ADCY2: variants seen among roughly 807,000 people sequenced by gnomAD.
The protein encoded by ADCY2 is adenylate cyclase 2, also known as adenylate cyclase type 2.
In ADCY2, 31 loss-of-function variants were observed where a neutral mutation model predicts 125.2. That is an observed-to-expected ratio of 0.25 (90% confidence interval 0.19 to 0.33). The LOEUF is 0.33. Ranked by LOEUF, ADCY2 falls within the 10% of genes least tolerant of loss-of-function variation. The pLI is 1.00. For synonymous variants in ADCY2, 512 were observed against 548.4 expected (o/e 0.93, Z 0.93); for missense variants, 904 against 1,418.2 (o/e 0.64, Z 5.82).
chr5:7,531,089 A>T (rs1199676979), intron 3 of ADCY2, among the ~76,000 whole-genome samples: 1 of 152,196 alleles, frequency 6.6e-6, no homozygotes, highest in African/African-American at 2.4e-5. Flanking sequence ...CCTGAAGGTT[A>T]ATGGAATAGC....
chr5:7,539,704 C>T (rs1053440063), intron 3 of ADCY2, among the ~76,000 whole-genome samples: 1 of 152,202 alleles, frequency 6.6e-6, no homozygotes, highest in Non-Finnish European at 1.5e-5. Flanking sequence ...GAGACATTTT[C>T]AGACTGTGGG....
intron 16 of ADCY2, among the ~76,000 whole-genome samples, chr5:7,759,989 C>T (rs1743142475): frequency 6.6e-6 from 1 of 152,160 alleles, no homozygotes; most frequent in Non-Finnish European, 1.5e-5. Flanking sequence ...GGGTGGGGAA[C>T]TCAAGATGAG....
intron 3 of ADCY2, among the ~76,000 whole-genome samples, chr5:7,606,355 A>T (rs1482289069): frequency 6.6e-6 from 1 of 152,252 alleles, no homozygotes; most frequent in African/African-American, 2.4e-5. Flanking sequence ...ACTGAGTGAC[A>T]GTGTTCCTGT....
intron 8 of ADCY2, 62 bp downstream of exon 8, chr5:7,706,964 T>G: frequency 6.3e-7 from 1 of 1,595,698 alleles, no homozygotes; most frequent in Non-Finnish European, 8.6e-7. Flanking sequence ...TGACAGATTA[T>G]CAGCCTAATG....
intron 13 of ADCY2, among the ~76,000 whole-genome samples, chr5:7,725,378 T>C (rs930837112): frequency 6.6e-6 from 1 of 152,212 alleles, no homozygotes; most frequent in Non-Finnish European, 1.5e-5. Flanking sequence ...ATTATGTTGA[T>C]AAAATTTAGT....
At chr5:7,762,684 G>A (rs570070658) in intron 16 of ADCY2, among the ~76,000 whole-genome samples, 16 of 152,228 alleles carry the variant, frequency 1.1e-4, no homozygotes, top group Admixed American at 3.9e-4. Flanking sequence ...TCCTGGAGCA[G>A]TTTCTGGTTA....
chr5:7,441,914 C>T (rs991747661), intron 2 of ADCY2, among the ~76,000 whole-genome samples: 9 of 152,114 alleles, frequency 5.9e-5, no homozygotes, highest in Non-Finnish European at 1.2e-4. Context: ...TCAGTGTGTC[C>T]GGTCCACCAG....
At chr5:7,572,230 A>C (rs1013537435) in intron 3 of ADCY2, among the ~76,000 whole-genome samples, 2 of 151,984 alleles carry the variant, frequency 1.3e-5, no homozygotes, top group Admixed American at 6.6e-5. Context: ...GTTGAACATC[A>C]TCTTCCACAA....
At chr5:7,563,933 C>T (rs1048533049) in intron 3 of ADCY2, among the ~76,000 whole-genome samples, 1 of 152,190 alleles carries the variant, frequency 6.6e-6, no homozygotes, top group African/African-American at 2.4e-5. Context: ...AAAGACTCCT[C>T]TTGCTTTTAT....
intron 2 of ADCY2, among the ~76,000 whole-genome samples, chr5:7,474,869 A>G (rs1479823110): frequency 3.3e-5 from 5 of 152,258 alleles, no homozygotes; most frequent in African/African-American, 1.2e-4. Context: ...AACAAGGCCT[A>G]GGCCAGTTTA....
At position 7,804,835 on chromosome 5, in the gene ADCY2, A is replaced by G. The variant is rs996872011; in HGVS notation, c.2883+143A>G. On this transcript the variant is annotated intron_variant, in intron 22 of 24. Transcript: ENST00000338316. ...CTCAGGGTCAAGGTCCTATGAGAGA[A>G]GATGAAAATTCCAGACTTCTTAGAG... The G allele has an allele frequency of 2.1e-5, 13 of 633,746 alleles. No individual in the cohort carries two copies. In the African/African-American group the frequency reaches 2.2e-4, roughly 11 times the overall value. 39.3% of individuals were successfully genotyped at this position (633,746 alleles called of 1,614,324 possible). A position where few individuals can be genotyped will look rare whatever the true frequency, so the allele number is the denominator to read the frequency against.
At chr5:7,602,765 T>A (rs1200438283) in intron 3 of ADCY2, among the ~76,000 whole-genome samples, 1 of 152,190 alleles carries the variant, frequency 6.6e-6, no homozygotes, top group East Asian at 1.9e-4. Flanking sequence ...CTGAGCAAAC[T>A]CCATGTTAAC....
At chr5:7,579,148 G>A (rs1736342766) in intron 3 of ADCY2, among the ~76,000 whole-genome samples, 1 of 152,028 alleles carries the variant, frequency 6.6e-6, no homozygotes, top group Admixed American at 6.6e-5. Flanking sequence ...ACATATCCTG[G>A]ACAAAATATA....
At chr5:7,606,752 G>T (rs1737392204) in intron 3 of ADCY2, among the ~76,000 whole-genome samples, 1 of 152,096 alleles carries the variant, frequency 6.6e-6, no homozygotes, top group African/African-American at 2.4e-5. Context: ...GTTTATCACC[G>T]AAGCTATGGA....
At position 7,530,754 on chromosome 5, in the gene ADCY2, C is replaced by T. The variant is rs183724031; in HGVS notation, c.570+9855C>T. Among the ~76,000 whole-genome samples, 27 of 152,218 alleles carry T rather than the reference C, an allele frequency of 1.8e-4. 1 individual carries two copies. The East Asian group carries it at 4.8e-3, about 27-fold the overall frequency. ...TGGACCCTTCAGTAGCCTCGATGTA[C>T]CTTCCTAGCCTTGTCTTCTATTCTC... On this transcript the variant is annotated intron_variant, in intron 3 of 24. Transcript: ENST00000338316.
chr5:7,803,133 T>G (rs1329841767), intron 21 of ADCY2, among the ~76,000 whole-genome samples: 1 of 152,176 alleles, frequency 6.6e-6, no homozygotes. Context: ...ATCATCACTG[T>G]GAGGTTGATG....
At chr5:7,609,163 C>A (rs1302670346) in intron 3 of ADCY2, among the ~76,000 whole-genome samples, 3 of 152,172 alleles carry the variant, frequency 2.0e-5, no homozygotes, top group Non-Finnish European at 4.4e-5. Context: ...CATGTCTCTT[C>A]TGAGTATAAT....
At chr5:7,454,256 A>C (rs577856105) in intron 2 of ADCY2, among the ~76,000 whole-genome samples, 11 of 152,310 alleles carry the variant, frequency 7.2e-5, no homozygotes, top group African/African-American at 2.4e-4. Context: ...TTTTAGCAAT[A>C]ATGTGCTTTT....
chr5:7,787,293 G>A (rs563932649), intron 19 of ADCY2, among the ~76,000 whole-genome samples: 27 of 152,112 alleles, frequency 1.8e-4, no homozygotes, highest in Non-Finnish European at 2.5e-4. Context: ...AGACGCCTGC[G>A]CATGGCCTCC....
Sources: allele counts gnomAD v4.1 joint callset (sites outside exome capture counted in the v4.1 genomes callset), GRCh38; gene constraint gnomAD v4.1.1; transcripts MANE v1.5; gene names NCBI Gene and HGNC (gene_info 2026-07-23, HGNC 2026-07-21).